The following THRB variants were observed in gnomAD, a reference collection of about 807,000 sequenced individuals.
The protein encoded by THRB is thyroid hormone receptor beta.
In THRB, 12 loss-of-function variants were observed where a neutral mutation model predicts 47.8. That is an observed-to-expected ratio of 0.25 (90% confidence interval 0.16 to 0.41). The LOEUF is 0.41. Ranked by LOEUF, THRB falls within the 10% of genes least tolerant of loss-of-function variation. The probability of loss-of-function intolerance (pLI) is 1.00; values close to 1 mark genes in which losing one functional copy is unlikely to be tolerated. For missense variants in THRB, 348 were observed against 589.2 expected (o/e 0.59, Z 4.24); for synonymous variants, 218 against 212.2 (o/e 1.03, Z -0.24).
chr3:24,200,464 G>A (rs1238110545), intron 4 of THRB, among the ~76,000 whole-genome samples: 7 of 152,102 alleles, frequency 4.6e-5, no homozygotes, highest in Admixed American at 4.6e-4. Flanking sequence ...TTAGATCAAT[G>A]GTATACATCA....
chr3:24,362,125 A>C (rs964556442), intron 1 of THRB, among the ~76,000 whole-genome samples: 3 of 152,118 alleles, frequency 2.0e-5, no homozygotes, highest in Admixed American at 2.0e-4. Flanking sequence ...AGCCACACTG[A>C]TTCTTTTAAA....
intron 3 of THRB, among the ~76,000 whole-genome samples, chr3:24,251,133 T>C (rs185674019): frequency 1.0e-3 from 153 of 152,252 alleles, no homozygotes; most frequent in African/African-American, 3.6e-3. Context: ...AGAAGCCTTA[T>C]TGCTAGATAT....
intron 8 of THRB, among the ~76,000 whole-genome samples, chr3:24,139,862 T>A (rs2148965402): frequency 6.6e-6 from 1 of 152,370 alleles, no homozygotes; most frequent in East Asian, 1.9e-4. Flanking sequence ...TTTATACTAT[T>A]GTTAACATGA....
At chr3:24,398,338 A>G (rs1327334085) in intron 1 of THRB, among the ~76,000 whole-genome samples, 3 of 152,226 alleles carry the variant, frequency 2.0e-5, no homozygotes, top group African/African-American at 7.2e-5. Context: ...CTCATCTGAC[A>G]AAGGGCTAAT....
intron 3 of THRB, among the ~76,000 whole-genome samples, chr3:24,265,104 G>C (rs1488635879): frequency 3.9e-5 from 6 of 152,184 alleles, no homozygotes; most frequent in East Asian, 1.9e-4. Flanking sequence ...CAGTAGACTG[G>C]GGGGAAGAGT....
chr3:24,331,813 T>C (rs1330156115), intron 2 of THRB, among the ~76,000 whole-genome samples: 1 of 152,154 alleles, frequency 6.6e-6, no homozygotes, highest in African/African-American at 2.4e-5. Context: ...CTATCCCTGA[T>C]ACCATGTCAC....
intron 1 of THRB, among the ~76,000 whole-genome samples, chr3:24,470,206 G>C (rs887700859): frequency 2.6e-5 from 4 of 152,176 alleles, no homozygotes; most frequent in Non-Finnish European, 4.4e-5. Flanking sequence ...GGCACATTAC[G>C]AATACTCTCT....
intron 4 of THRB, among the ~76,000 whole-genome samples, chr3:24,202,666 G>A (rs1209451246): frequency 1.3e-5 from 2 of 152,192 alleles, no homozygotes; most frequent in Admixed American, 6.5e-5. Flanking sequence ...GATACTGAGC[G>A]TCAATGCCTA....
intron 1 of THRB, chr3:24,459,160 A>G (rs1236384662): frequency 6.6e-6 from 1 of 151,688 alleles, no homozygotes; most frequent in Non-Finnish European, 1.5e-5. Flanking sequence ...CCCTGTGTCC[A>G]TGTGTTCTTG....
At chr3:24,185,560 T>C (rs987068428) in intron 5 of THRB, among the ~76,000 whole-genome samples, 8 of 152,314 alleles carry the variant, frequency 5.3e-5, no homozygotes, top group African/African-American at 1.9e-4. Flanking sequence ...GAATCAGTTT[T>C]AAAAATATTA....
chr3:24,453,007 A>G (rs1354255518), intron 1 of THRB, among the ~76,000 whole-genome samples: 1 of 151,776 alleles, frequency 6.6e-6, no homozygotes, highest in Non-Finnish European at 1.5e-5. Flanking sequence ...CAAACAAACA[A>G]CTCCAAAATA....
At chr3:24,208,371 A>G (rs1336801482) in intron 4 of THRB, among the ~76,000 whole-genome samples, 1 of 152,232 alleles carries the variant, frequency 6.6e-6, no homozygotes, top group East Asian at 1.9e-4. Flanking sequence ...ATGGAACGAA[A>G]AAAGAGCCCG....
intron 1 of THRB, among the ~76,000 whole-genome samples, chr3:24,373,426 C>A (rs1483436271): frequency 1.3e-5 from 2 of 152,162 alleles, no homozygotes; most frequent in Non-Finnish European, 2.9e-5. Context: ...ACTTCCCAAA[C>A]ATGCAGACAC....
intron 1 of THRB, among the ~76,000 whole-genome samples, chr3:24,483,512 AC>A (rs947671947): frequency 1.6e-4 from 25 of 152,012 alleles, no homozygotes; most frequent in South Asian, 1.5e-3. Context: ...AAAAAAAAAA[AC>A]ATGTTAATAA....
At chr3:24,181,335 A>C (rs1179880818) in intron 5 of THRB, among the ~76,000 whole-genome samples, 1 of 152,254 alleles carries the variant, frequency 6.6e-6, no homozygotes, top group Non-Finnish European at 1.5e-5. Context: ...CTCTGACTAC[A>C]TTCTTTGTTG....
intron 5 of THRB, 103 bp from the exon 6 acceptor site, chr3:24,152,593 G>T: frequency 1.4e-6 from 1 of 721,360 alleles, no homozygotes; most frequent in South Asian, 1.5e-5. Context: ...GGCTTGCCAG[G>T]AAGAGGTAAC....
intron 2 of THRB, among the ~76,000 whole-genome samples, chr3:24,307,128 C>T (rs965378013): frequency 5.9e-5 from 9 of 151,900 alleles, no homozygotes; most frequent in African/African-American, 2.2e-4. Context: ...AGTATATACT[C>T]ACTGATGTTG....
At chr3:24,283,988 G>C (rs1187391314) in intron 3 of THRB, among the ~76,000 whole-genome samples, 4 of 129,562 alleles carry the variant, frequency 3.1e-5, no homozygotes, top group Non-Finnish European at 6.7e-5. Flanking sequence ...TCAATATCAT[G>C]AAAATGGCCA....
At chr3:24,124,892 C>A (rs796158762) in intron 10 of THRB, among the ~76,000 whole-genome samples, 31 of 152,260 alleles carry the variant, frequency 2.0e-4, no homozygotes, top group Admixed American at 1.2e-3. Flanking sequence ...CTGGTCCTGG[C>A]AGTATTAATG....
Sources: allele counts gnomAD v4.1 joint callset (sites outside exome capture counted in the v4.1 genomes callset), GRCh38; gene constraint gnomAD v4.1.1; transcripts MANE v1.5; gene names NCBI Gene and HGNC (gene_info 2026-07-23, HGNC 2026-07-21).